Variants in TRHDE observed in about 807,000 individuals in gnomAD.
TRHDE encodes the protein thyrotropin-releasing hormone-degrading ectoenzyme.
A neutral mutation model predicts 125.7 loss-of-function variants in TRHDE; 72 were observed. The ratio of observed to expected loss-of-function variants is 0.57; its 90% CI spans 0.47 to 0.70. The LOEUF (loss-of-function observed/expected upper bound fraction) is 0.70. Among genes scored for constraint, TRHDE ranks in the 30% least tolerant of loss-of-function variants. TRHDE has a pLI of 0.00. For synonymous variants in TRHDE, 509 were observed against 509.1 expected, an observed-to-expected ratio of 1.00 and a Z score of 0.00; for missense variants, 1,110 against 1,327.1, an observed-to-expected ratio of 0.84 and a Z score of 2.54.
chr12:72,149,914 T>C (rs2139320262), intron 2 of TRHDE, among the ~76,000 whole-genome samples: 1 of 152,320 alleles, frequency 6.6e-6, no homozygotes, highest in East Asian at 1.9e-4. Context: ...ACTCCATAAG[T>C]ACTTTGATTC....
chr12:72,336,814 A>T (rs1328050268), intron 2 of TRHDE, among the ~76,000 whole-genome samples: 1 of 152,174 alleles, frequency 6.6e-6, no homozygotes, highest in Non-Finnish European at 1.5e-5. Context: ...CATTAACAAC[A>T]TTAATCCATT....
At chr12:72,244,843 G>A (rs1878545434) in intron 2 of TRHDE, among the ~76,000 whole-genome samples, 2 of 151,904 alleles carry the variant, frequency 1.3e-5, no homozygotes, top group African/African-American at 4.8e-5. Context: ...AATTATTATG[G>A]TATTTAAATA....
At chr12:72,290,094 G>A (rs1172203766) in intron 2 of TRHDE, among the ~76,000 whole-genome samples, 1 of 152,202 alleles carries the variant, frequency 6.6e-6, no homozygotes, top group South Asian at 2.1e-4. Context: ...AAGACTAGTT[G>A]GAAGAGGGAG....
At chr12:72,142,874 C>G (rs1489006333) in intron 2 of TRHDE, among the ~76,000 whole-genome samples, 1 of 152,082 alleles carries the variant, frequency 6.6e-6, no homozygotes, top group Non-Finnish European at 1.5e-5. Context: ...ACTCCACTCC[C>G]CTTTCCAGCT....
chr12:72,125,298 A>G (rs1272566802), intron 2 of TRHDE, among the ~76,000 whole-genome samples: 3 of 152,060 alleles, frequency 2.0e-5, no homozygotes, highest in African/African-American at 7.2e-5. Context: ...GGTTCCTTCC[A>G]GGTTGTTTAT....
chr12:72,360,026 C>A (rs566237021), intron 2 of TRHDE, among the ~76,000 whole-genome samples: 1 of 151,456 alleles, frequency 6.6e-6, no homozygotes, highest in Non-Finnish European at 1.5e-5. Flanking sequence ...ATAAATAGTA[C>A]GGAGACAATT....
At chr12:72,133,181 A>G (rs1213361008) in intron 2 of TRHDE, among the ~76,000 whole-genome samples, 1 of 152,214 alleles carries the variant, frequency 6.6e-6, no homozygotes, top group African/African-American at 2.4e-5. Context: ...TGACAATTTA[A>G]AGATGAATTA....
intron 2 of TRHDE, among the ~76,000 whole-genome samples, chr12:72,206,648 A>G (rs1202034288): frequency 6.6e-6 from 1 of 152,166 alleles, no homozygotes; most frequent in African/African-American, 2.4e-5. Flanking sequence ...ATAGAAAAAT[A>G]TGGACTGTGT....
rs371923231 is a variant in TRHDE, at chr12:72,356,082, T to G, written c.1189-21913T>G. ...TAAATTGTTCTACCATAAAGACACATGCAAGAGAATGTTCATTGCAGCACT... is the reference window on the plus strand; with the variant it reads ...TAAATTGTTCTACCATAAAGACACAGGCAAGAGAATGTTCATTGCAGCACT... On this transcript the variant is annotated intron_variant, in intron 2 of 18. Transcript: ENST00000261180. Among the ~76,000 whole-genome samples the G allele has an allele frequency of 4.0e-5, 6 of 151,878 alleles. No individual in the cohort carries two copies. The South Asian group carries it at 1.2e-3, about 32-fold the overall frequency.
intron 2 of TRHDE, among the ~76,000 whole-genome samples, chr12:72,259,761 C>T (rs1878904197): frequency 6.6e-6 from 1 of 152,156 alleles, no homozygotes; most frequent in South Asian, 2.1e-4. Context: ...GCAGCCCTCC[C>T]TCTATAGACC....
At chr12:72,474,367 A>C (rs533251915) in intron 5 of TRHDE, among the ~76,000 whole-genome samples, 34 of 152,192 alleles carry the variant, frequency 2.2e-4, no homozygotes, top group Middle Eastern at 3.4e-3. Flanking sequence ...TCTATAGTAG[A>C]TCTCTAGGAC....
At chr12:72,562,052 T>A in intron 7 of TRHDE, 113 bp from the exon 8 acceptor site, 1 of 533,888 alleles carries the variant, frequency 1.9e-6, no homozygotes, top group Non-Finnish European at 3.4e-6. Flanking sequence ...CTTTTTTATG[T>A]CCTTTTTTAT....
rs138827570 is a variant in TRHDE, at chr12:72,126,472, C to T, written n.279+20720C>T. On this transcript the variant is annotated intron_variant and non_coding_transcript_variant, in intron 2 of 4. Transcript: ENST00000548156. ...AACTTCAAACTATCAGGCTACGGTA[C>T]CCCAAATAGGGTGATACTGGTCCAA... Among the ~76,000 whole-genome samples, 108 of 152,106 alleles carry T rather than the reference C, an allele frequency of 7.1e-4. 1 individual carries two copies. The East Asian group carries it at 0.017, about 24-fold the overall frequency.
At chr12:72,265,799 C>G (rs961484893) in intron 2 of TRHDE, among the ~76,000 whole-genome samples, 84 of 151,900 alleles carry the variant, frequency 5.5e-4, no homozygotes, top group African/African-American at 2.0e-3. Flanking sequence ...TGACCAGAAT[C>G]CTCACTTGGC....
chr12:72,565,839 G>C (rs1338910413), intron 9 of TRHDE, among the ~76,000 whole-genome samples: 1 of 151,654 alleles, frequency 6.6e-6, no homozygotes, highest in Non-Finnish European at 1.5e-5. Context: ...GGCAGTCCCA[G>C]GAACTGTTAA....
chr12:72,123,363 C>T (rs73349004), intron 2 of TRHDE, among the ~76,000 whole-genome samples: 3,458 of 151,986 alleles, frequency 0.023, 129 homozygotes, highest in African/African-American at 0.077. Flanking sequence ...AAAATATTCT[C>T]TCTATATTAA....
intron 2 of TRHDE, among the ~76,000 whole-genome samples, chr12:72,345,546 T>C (rs1440897493): frequency 6.6e-6 from 1 of 152,178 alleles, no homozygotes; most frequent in Non-Finnish European, 1.5e-5. Flanking sequence ...TCATGTAATT[T>C]ATTTTTAATA....
intron 2 of TRHDE, among the ~76,000 whole-genome samples, chr12:72,258,406 T>C (rs1878867133): frequency 6.6e-6 from 1 of 152,116 alleles, no homozygotes; most frequent in Non-Finnish European, 1.5e-5. Flanking sequence ...GTTATGTAAT[T>C]AGTTCATCTT....
At chr12:72,427,092 A>G (rs1040716034) in intron 3 of TRHDE, among the ~76,000 whole-genome samples, 9 of 152,050 alleles carry the variant, frequency 5.9e-5, no homozygotes, top group Admixed American at 3.9e-4. Flanking sequence ...GGCTTTGTGG[A>G]CCATACAGTC....
Sources: gnomAD v4.1 joint callset for allele counts (sites outside exome capture counted in the v4.1 genomes callset) on GRCh38, gnomAD v4.1.1 for gene constraint, MANE v1.5 for transcripts, NCBI Gene and HGNC (gene_info 2026-07-23, HGNC 2026-07-21) for gene names.